The following LRMDA variants were observed in gnomAD, a reference collection of about 807,000 sequenced individuals.
LRMDA encodes leucine-rich melanocyte differentiation-associated protein.
Under a neutral mutation model 29.8 loss-of-function variants are expected in LRMDA, and 18 were observed. The ratio of observed to expected loss-of-function variants is 0.60; its 90% CI spans 0.42 to 0.90. The LOEUF is 0.90. Ranked by LOEUF, LRMDA falls within the 40% of genes least tolerant of loss-of-function variation. The pLI is 0.00. For synonymous variants in LRMDA, 125 were observed against 109.4 expected, an observed-to-expected ratio of 1.14 and a Z score of -0.89; for missense variants, 273 against 273.9, an observed-to-expected ratio of 1.00 and a Z score of 0.02.
At chr10:75,725,665 G>A (rs923454426) in intron 2 of LRMDA, among the ~76,000 whole-genome samples, 2 of 152,118 alleles carry the variant, frequency 1.3e-5, no homozygotes, top group East Asian at 3.9e-4. Context: ...GGATAGATTT[G>A]GATTCAGCCC....
intron 2 of LRMDA, among the ~76,000 whole-genome samples, chr10:76,010,155 A>G (rs1242001499): frequency 2.0e-5 from 3 of 152,088 alleles, no homozygotes; most frequent in African/African-American, 7.2e-5. Flanking sequence ...TCACCATTGC[A>G]TTGAGAGGCA....
intron 2 of LRMDA, among the ~76,000 whole-genome samples, chr10:75,841,391 G>A (rs942192073): frequency 6.6e-6 from 1 of 152,180 alleles, no homozygotes; most frequent in Non-Finnish European, 1.5e-5. Flanking sequence ...CTCAGGAAGA[G>A]CATATGCATG....
chr10:76,083,187 G>A (rs2132081276), intron 5 of LRMDA, among the ~76,000 whole-genome samples: 1 of 152,274 alleles, frequency 6.6e-6, no homozygotes. Flanking sequence ...CCTTTGATAT[G>A]CAAAGGAACA....
intron 2 of LRMDA, among the ~76,000 whole-genome samples, chr10:75,638,969 T>C (rs1194076737): frequency 6.6e-6 from 1 of 152,182 alleles, no homozygotes; most frequent in Non-Finnish European, 1.5e-5. Flanking sequence ...AAAGTGAAGA[T>C]TTTTCCAAAT....
intron 2 of LRMDA, among the ~76,000 whole-genome samples, chr10:75,497,858 T>C (rs890587939): frequency 2.0e-5 from 3 of 152,216 alleles, no homozygotes; most frequent in Non-Finnish European, 4.4e-5. Flanking sequence ...GGTATTAAGC[T>C]GCTGTGAACA....
intron 5 of LRMDA, among the ~76,000 whole-genome samples, chr10:76,172,248 T>A (rs1319835791): frequency 6.6e-6 from 1 of 152,186 alleles, no homozygotes; most frequent in East Asian, 1.9e-4. Context: ...AATTTCAACA[T>A]GAGTTTTGTC....
intron 5 of LRMDA, among the ~76,000 whole-genome samples, chr10:76,283,446 G>A (rs950003579): frequency 2.0e-5 from 3 of 152,144 alleles, no homozygotes; most frequent in South Asian, 2.1e-4. Flanking sequence ...GGGACAGATC[G>A]GATTTCAAGT....
Position 75,890,178 on chromosome 10 carries a change from A to G in LRMDA, c.132-145830A>G, listed in dbSNP as rs1190000217. 2.0e-5 allele frequency among the ~76,000 whole-genome samples: 3 copies of G among 152,202 alleles called. No homozygotes were observed. In the East Asian group the frequency reaches 5.8e-4, roughly 29 times the overall value. ...AGAGGGCCCCAAGGAGATGGTGTTA[A>G]TGAGGATTCCCTGGTATCTATTTCC... On this transcript the variant is annotated intron_variant, in intron 2 of 6. Transcript: ENST00000611255.
intron 5 of LRMDA, among the ~76,000 whole-genome samples, chr10:76,170,581 A>G (rs1201820648): frequency 6.6e-6 from 1 of 152,210 alleles, no homozygotes; most frequent in Non-Finnish European, 1.5e-5. Flanking sequence ...ACTGCTACCA[A>G]TTTTGGAGAT....
intron 5 of LRMDA, among the ~76,000 whole-genome samples, chr10:76,248,760 C>T (rs916029945): frequency 4.6e-5 from 7 of 152,148 alleles, no homozygotes; most frequent in Admixed American, 6.5e-5. Flanking sequence ...TCACATCTGC[C>T]ACAGCGGAAG....
At chr10:76,537,333 T>A (rs1481184253) in intron 6 of LRMDA, among the ~76,000 whole-genome samples, 1 of 152,226 alleles carries the variant, frequency 6.6e-6, no homozygotes. Context: ...CACAGTCATA[T>A]GTGTATATTT....
intron 2 of LRMDA, among the ~76,000 whole-genome samples, chr10:75,496,999 C>A (rs1275773288): frequency 7.0e-6 from 1 of 142,942 alleles, no homozygotes; most frequent in South Asian, 2.3e-4. Flanking sequence ...TTTTTTTTTT[C>A]TTTTCTTTAA....
chr10:75,761,542 C>T (rs769939166), intron 2 of LRMDA, among the ~76,000 whole-genome samples: 1 of 151,954 alleles, frequency 6.6e-6, no homozygotes, highest in Non-Finnish European at 1.5e-5. Context: ...GACAGGGAAA[C>T]GGGGACTTAC....
chr10:75,560,930 G>A (rs1840285758), intron 2 of LRMDA, among the ~76,000 whole-genome samples: 1 of 151,818 alleles, frequency 6.6e-6, no homozygotes, highest in Non-Finnish European at 1.5e-5. Context: ...GCTGGATTTG[G>A]TTTGCCAGTA....
Position 75,956,598 on chromosome 10 carries a change from G to A in LRMDA, c.132-79410G>A, listed in dbSNP as rs542685835. Among the ~76,000 whole-genome samples the A allele has an allele frequency of 1.7e-4, 26 of 152,244 alleles. 2 individuals are homozygous for A. The highest frequency in any genetic ancestry group is 5.8e-4 in the African/African-American group (24 of 41,540). On this transcript the variant is annotated intron_variant, in intron 2 of 6. Transcript: ENST00000611255. Reference sequence around the variant, plus strand: ...CATAGCTAGTTCAGGGTCCTCTAATGCCCGTAGTCTTTCTCTGTCCTGAGG... The same window carrying A: ...CATAGCTAGTTCAGGGTCCTCTAATACCCGTAGTCTTTCTCTGTCCTGAGG...
At chr10:76,225,067 G>A (rs1385046840) in intron 5 of LRMDA, among the ~76,000 whole-genome samples, 2 of 151,976 alleles carry the variant, frequency 1.3e-5, no homozygotes, top group African/African-American at 2.4e-5. Context: ...TTGTCTCTGT[G>A]TGCTATGGTT....
intron 2 of LRMDA, among the ~76,000 whole-genome samples, chr10:75,859,384 G>T (rs528618139): frequency 6.6e-6 from 1 of 152,116 alleles, no homozygotes; most frequent in South Asian, 2.1e-4. Context: ...TTTGGTATTA[G>T]CATGCTTTCA....
At chr10:76,177,870 C>T (rs1475805270) in intron 5 of LRMDA, among the ~76,000 whole-genome samples, 2 of 152,164 alleles carry the variant, frequency 1.3e-5, no homozygotes, top group African/African-American at 4.8e-5. Flanking sequence ...GATGAGAAAA[C>T]TGAAATGAAG....
intron 2 of LRMDA, among the ~76,000 whole-genome samples, chr10:75,866,160 C>CT (rs1199074740): frequency 4.6e-5 from 7 of 152,194 alleles, no homozygotes; most frequent in African/African-American, 1.7e-4. Context: ...GACCCTGTGA[C>CT]TAGTCATATG....
Sources: allele counts gnomAD v4.1 joint callset (sites outside exome capture counted in the v4.1 genomes callset), GRCh38; gene constraint gnomAD v4.1.1; transcripts MANE v1.5; gene names NCBI Gene and HGNC (gene_info 2026-07-23, HGNC 2026-07-21).